AUTS2: variants seen among roughly 807,000 people sequenced by gnomAD.
AUTS2 encodes the protein activator of transcription and developmental regulator AUTS2.
In AUTS2, 17 loss-of-function variants were observed where a neutral mutation model predicts 112.4. That is an observed-to-expected ratio of 0.15 (90% CI 0.10 to 0.23). The LOEUF (loss-of-function observed/expected upper bound fraction) is 0.23, where lower values mean the gene tolerates loss of function less well. Ranked by LOEUF, AUTS2 falls within the 10% of genes least tolerant of loss-of-function variation. The pLI, the probability that AUTS2 is intolerant of heterozygous loss-of-function variation, is 1.00. For synonymous variants in AUTS2, 751 were observed against 702.7 expected, an observed-to-expected ratio of 1.07 and a Z score of -1.09; for missense variants, 1,510 against 1,701.6, an observed-to-expected ratio of 0.89 and a Z score of 1.98.
At chr7:70,675,514 G>A (rs530820455) in intron 5 of AUTS2, among the ~76,000 whole-genome samples, 12 of 152,204 alleles carry the variant, frequency 7.9e-5, no homozygotes, top group South Asian at 4.1e-4. Flanking sequence ...AAAAAGAAAC[G>A]TTTGTTCCAG....
intron 5 of AUTS2, among the ~76,000 whole-genome samples, chr7:70,483,000 G>T (rs1485727581): frequency 1.3e-5 from 2 of 152,142 alleles, no homozygotes; most frequent in African/African-American, 2.4e-5. Flanking sequence ...TTTTTCTATT[G>T]AGTTTTTTAT....
At chr7:70,530,086 A>G (rs1480112509) in intron 5 of AUTS2, among the ~76,000 whole-genome samples, 1 of 152,200 alleles carries the variant, frequency 6.6e-6, no homozygotes, top group African/African-American at 2.4e-5. Flanking sequence ...GCGTGAATCA[A>G]GGGAGATTCT....
intron 4 of AUTS2, among the ~76,000 whole-genome samples, chr7:70,274,640 G>C (rs1787845193): frequency 6.6e-6 from 1 of 152,122 alleles, no homozygotes; most frequent in African/African-American, 2.4e-5. Context: ...AAGAGAGAGA[G>C]AGCGCAGGTT....
At chr7:69,662,211 C>CT (rs1795835402) in intron 1 of AUTS2, among the ~76,000 whole-genome samples, 1 of 146,490 alleles carries the variant, frequency 6.8e-6, no homozygotes, top group Admixed American at 6.8e-5. Flanking sequence ...GTTGATTTGA[C>CT]TTTTTAGTAC....
At chr7:69,929,479 A>T (rs1378959616) in intron 2 of AUTS2, among the ~76,000 whole-genome samples, 1 of 150,730 alleles carries the variant, frequency 6.6e-6, no homozygotes, top group Non-Finnish European at 1.5e-5. Context: ...CTTTTCAGGG[A>T]CTCCAATTAA....
intron 1 of AUTS2, among the ~76,000 whole-genome samples, chr7:69,674,703 C>A (rs929088810): frequency 6.6e-6 from 1 of 151,974 alleles, no homozygotes; most frequent in African/African-American, 2.4e-5. Flanking sequence ...ATCAAATAAC[C>A]GTGGCAGGCA....
intron 4 of AUTS2, among the ~76,000 whole-genome samples, chr7:70,191,780 G>T (rs899352135): frequency 6.6e-6 from 1 of 152,070 alleles, no homozygotes; most frequent in Non-Finnish European, 1.5e-5. Context: ...GACAAAAAAG[G>T]CCAGGCCCGG....
intron 6 of AUTS2, among the ~76,000 whole-genome samples, chr7:70,704,276 T>C (rs978188974): frequency 6.6e-6 from 1 of 152,222 alleles, no homozygotes; most frequent in Non-Finnish European, 1.5e-5. Flanking sequence ...ATTCCAGGCA[T>C]TCGAAGTGAT....
intron 6 of AUTS2, among the ~76,000 whole-genome samples, chr7:70,750,305 A>G (rs986076610): frequency 5.9e-5 from 9 of 151,332 alleles, no homozygotes; most frequent in Middle Eastern, 3.4e-3. Flanking sequence ...GAAAAAGCCT[A>G]GGATAAACTC....
In AUTS2 at chr7:70,458,550, G is replaced by C. The variant is rs59371241; in HGVS notation, c.690+22769G>C. ...ATTCTTGGATGGCTGCCAAGTGGCCGGGCTTTCTTAGTAGGTGAATTGCTC... is the reference window on the plus strand; with the variant it reads ...ATTCTTGGATGGCTGCCAAGTGGCCCGGCTTTCTTAGTAGGTGAATTGCTC... On this transcript the variant is annotated intron_variant, in intron 5 of 18. Transcript: ENST00000342771. 9.1e-3 allele frequency among the ~76,000 whole-genome samples: 1,393 copies of C among 152,258 alleles called. 32 individuals carry two copies. The highest frequency in any genetic ancestry group is 0.032 in the African/African-American group (1,330 of 41,546).
At chr7:70,788,294 G>T (rs962804310) in intron 18 of AUTS2, among the ~76,000 whole-genome samples, 5 of 151,916 alleles carry the variant, frequency 3.3e-5, no homozygotes, top group Non-Finnish European at 7.3e-5. Context: ...TGTATACCGT[G>T]TATGTATGTG....
At chr7:70,164,465 T>G (rs557018664) in intron 4 of AUTS2, among the ~76,000 whole-genome samples, 1 of 152,326 alleles carries the variant, frequency 6.6e-6, no homozygotes, top group Middle Eastern at 3.4e-3. Flanking sequence ...ATAGTTTTTC[T>G]TTTTGATGAT....
At chr7:70,177,791 A>T (rs2129580142) in intron 4 of AUTS2, among the ~76,000 whole-genome samples, 1 of 116,520 alleles carries the variant, frequency 8.6e-6, no homozygotes, top group South Asian at 2.9e-4. Flanking sequence ...TTTCATTTTT[A>T]ATTAAATCTG....
intron 2 of AUTS2, among the ~76,000 whole-genome samples, chr7:70,075,754 G>A (rs913731806): frequency 2.0e-4 from 31 of 152,292 alleles, no homozygotes; most frequent in African/African-American, 6.7e-4. Context: ...TGTCAGCTCA[G>A]AAAAGATTCT....
intron 1 of AUTS2, among the ~76,000 whole-genome samples, chr7:69,812,924 C>CAG: frequency 6.6e-6 from 1 of 152,298 alleles, no homozygotes; most frequent in South Asian, 2.1e-4. Flanking sequence ...TGCCTCCCTG[C>CAG]AGAGTGTTCT....
chr7:70,570,910 C>A (rs1385092784), intron 5 of AUTS2, among the ~76,000 whole-genome samples: 1 of 152,122 alleles, frequency 6.6e-6, no homozygotes, highest in African/African-American at 2.4e-5. Flanking sequence ...AGTCTTGCCT[C>A]CTGCTTTGTT....
At chr7:70,633,916 G>A (rs558006636) in intron 5 of AUTS2, among the ~76,000 whole-genome samples, 1 of 152,248 alleles carries the variant, frequency 6.6e-6, no homozygotes, top group African/African-American at 2.4e-5. Context: ...GGTGAAGGGT[G>A]ATGGCTGTGT....
chr7:69,939,559 A>C (rs1469853955), intron 2 of AUTS2, among the ~76,000 whole-genome samples: 1 of 152,154 alleles, frequency 6.6e-6, no homozygotes, highest in African/African-American at 2.4e-5. Flanking sequence ...TCTTTGATCC[A>C]CAGTCTTTTA....
chr7:70,327,047 A>G (rs1404719589), intron 4 of AUTS2, among the ~76,000 whole-genome samples: 2 of 150,820 alleles, frequency 1.3e-5, no homozygotes, highest in African/African-American at 2.4e-5. Context: ...CCTCCCAGGT[A>G]GCTGGGATTA....
Sources: gnomAD v4.1 joint callset for allele counts (sites outside exome capture counted in the v4.1 genomes callset) on GRCh38, gnomAD v4.1.1 for gene constraint, MANE v1.5 for transcripts, NCBI Gene and HGNC (gene_info 2026-07-23, HGNC 2026-07-21) for gene names.